The following LFNG variants were observed in gnomAD, a reference collection of about 807,000 sequenced individuals.
The protein encoded by LFNG is beta-1,3-N-acetylglucosaminyltransferase lunatic fringe.
LFNG carries 15 observed loss-of-function variants against 32.7 expected under a neutral mutation model. The ratio of observed to expected loss-of-function variants is 0.46; its 90% CI spans 0.31 to 0.71. The LOEUF is 0.71. Among genes scored for constraint, LFNG ranks in the 30% least tolerant of loss-of-function variants. The pLI is 0.06. For synonymous variants in LFNG, 274 were observed against 246.8 expected (o/e 1.11, Z -1.03); for missense variants, 520 against 545.7 (o/e 0.95, Z 0.47).
At chr7:2,513,457 G>T, upstream of LFNG, 1 of 1,092,768 alleles carries the variant, frequency 9.2e-7, no homozygotes, top group South Asian at 1.8e-5. Flanking sequence ...GGTAGCGATG[G>T]GGAGCCTGGG....
chr7:2,518,721 C>T (rs1053395195), upstream of LFNG: 3 of 1,379,116 alleles, frequency 2.2e-6, no homozygotes, highest in Admixed American at 6.9e-5. Context: ...GTCGCAGAGA[C>T]CCTGCTTAGG....
rs555511257 is a variant in LFNG at position 2,524,168 on chromosome 7, T to C, written c.433-527T>C. Reference sequence around the variant, plus strand: ...TCCAGGCCCTTTGTCCGCCAGGGCTTGGCAGCCGCCCAGCGAAGGCCTTTG... The same window carrying C: ...TCCAGGCCCTTTGTCCGCCAGGGCTCGGCAGCCGCCCAGCGAAGGCCTTTG... On this transcript the variant is annotated intron_variant, in intron 1 of 7. Transcript: ENST00000222725. Among the ~76,000 whole-genome samples, 10 of 152,322 alleles carry C rather than the reference T, an allele frequency of 6.6e-5. No individual in the cohort carries two copies. In the South Asian group the frequency reaches 1.0e-3, roughly 16 times the overall value.
chr7:2,525,239 T>G lies in LFNG; in HGVS notation c.502T>G (p.Cys168Gly). Residue 168 changes from cysteine to glycine, a missense_variant, in exon 3 of 8, where the codon TGC (cysteine) becomes GGC (glycine). Physicochemically the swap from Cys to Gly is radical, Grantham distance 159. Transcript: ENST00000222725. The part of the protein sequence containing the change: ...RHTGNVVITN[C>G]SAAHSRQALS... ...CACAGGCAACGTGGTCATCACAAAC[T>G]GCTCGGCCGCCCACAGCCGCCAGGC... 1.9e-6 allele frequency: 3 copies of G among 1,612,862 alleles called. No homozygotes were observed. Among genetic ancestry groups the G allele is most frequent in the Non-Finnish European group, 2.5e-6 (3 of 1,179,882 alleles).
intron 1 of LFNG, among the ~76,000 whole-genome samples, chr7:2,521,311 C>G (rs563337040): frequency 5.3e-5 from 8 of 152,194 alleles, no homozygotes; most frequent in African/African-American, 1.9e-4. Context: ...GCGTCCCATT[C>G]CCAGGGGCTC....
upstream of LFNG, chr7:2,517,643 C>T (rs1779660486): frequency 2.2e-6 from 1 of 453,856 alleles, no homozygotes; most frequent in Non-Finnish European, 4.4e-6. Context: ...GGACTCACAG[C>T]ATCTTGTCAG....
upstream of LFNG, among the ~76,000 whole-genome samples, chr7:2,517,130 G>A (rs777029043): frequency 6.6e-6 from 1 of 152,190 alleles, no homozygotes; most frequent in Non-Finnish European, 1.5e-5. Context: ...GGAGACCTGG[G>A]GTCTGGATGG....
At position 2,527,120 on chromosome 7, in the gene LFNG, G is replaced by A; in HGVS notation, c.1074-26G>A. ...TCAGCACCTGCCTGCCACCCACGCA[G>A]ACCAGCCCCTGCTCTGTTCCCACAG... On this transcript the variant is annotated intron_variant, in intron 7 of 7. Transcript: ENST00000222725. This position sits in a 1 kb window ranked among gnomAD's most constrained non-coding sequence, Gnocchi z 4.4. 6.2e-7 allele frequency: 1 copy of A among 1,609,122 alleles called. No individual in the cohort carries two copies. The highest frequency in any genetic ancestry group is 1.1e-5 in the South Asian group (1 of 90,984).
chr7:2,527,099 C>T lies in LFNG; in HGVS notation c.1074-47C>T, dbSNP rs1175879928. On this transcript the variant is annotated intron_variant, in intron 7 of 7. Transcript: ENST00000222725. The surrounding 1 kb of genome is among the most constrained non-coding windows in gnomAD (Gnocchi z 4.4). The stretch of plus-strand genomic sequence containing the variant: ...TGTGGGACTGCAAATGGGAGCTCAG[C>T]ACCTGCCTGCCACCCACGCAGACCA... 3.2e-6 allele frequency: 5 copies of T among 1,579,830 alleles called. No homozygotes were observed. The South Asian group carries it at 5.5e-5, about 18-fold the overall frequency.
chr7:2,520,814 CAAAG>C lies in LFNG; in HGVS notation c.432+524_432+527del, dbSNP rs1449569005. Among the ~76,000 whole-genome samples, 4 of 152,090 alleles carry C rather than the reference CAAAG, an allele frequency of 2.6e-5. No individual in the cohort carries two copies. The highest frequency in any genetic ancestry group is 6.5e-5 in the Admixed American group (1 of 15,278). ...TTGGTGGGTCCTGGGGAGTACATCT[CAAAG>C]AACTCCAGGTTTTGGGGTCTGTGTG... On this transcript the variant is annotated intron_variant, in intron 1 of 7. Transcript: ENST00000222725. This position sits in a 1 kb window ranked among gnomAD's most constrained non-coding sequence, Gnocchi z 5.0.
chr7:2,526,917 T>A lies in LFNG; in HGVS notation c.1069T>A (p.Ser357Thr), dbSNP rs1779997405. The A allele has an allele frequency of 6.2e-7, 1 of 1,611,748 alleles. No individual in the cohort carries two copies. Among genetic ancestry groups the A allele is most frequent in the Non-Finnish European group, 8.5e-7 (1 of 1,179,560 alleles). Residue 357 changes from serine to threonine, a missense_variant, in exon 7 of 8, where the codon TCC (serine) becomes ACC (threonine). Coordinates refer to ENST00000222725, the MANE Select transcript of LFNG (RefSeq NM_001040167.2). This position sits in a 1 kb window ranked among gnomAD's most constrained non-coding sequence, Gnocchi z 6.9. ...GCCCTTCTCGGTGGAGGCCGACCCA[T>A]CCAGGTAAGGAAACCCCGGCCCAGA... is the stretch of plus-strand genomic sequence containing the variant. The part of the protein sequence containing the change: ...KGPFSVEADP[S>T]RFRSIHCHLY...
At chr7:2,512,909 C>T (rs142406413), upstream of LFNG, among the ~76,000 whole-genome samples, 591 of 151,768 alleles carry the variant, frequency 3.9e-3, 4 homozygotes, top group South Asian at 0.016. Context: ...GCTCCCACAC[C>T]CCTGCCCAAC....
chr7:2,513,911 T>C (rs902911375), upstream of LFNG, among the ~76,000 whole-genome samples: 1 of 152,240 alleles, frequency 6.6e-6, no homozygotes, highest in Non-Finnish European at 1.5e-5. Context: ...AGCCCAGGCC[T>C]GCCGTCCTCC....
At chr7:2,515,019 TATCC>T (rs148072518), upstream of LFNG, among the ~76,000 whole-genome samples, 61 of 126,252 alleles carry the variant, frequency 4.8e-4, no homozygotes, top group Non-Finnish European at 6.5e-4. Flanking sequence ...TTCATCTGTC[TATCC>T]ATCCATCCAT....
At chr7:2,514,529 TCCATCCATCCAC>T (rs1224578904), upstream of LFNG, among the ~76,000 whole-genome samples, 1 of 151,664 alleles carries the variant, frequency 6.6e-6, no homozygotes, top group Non-Finnish European at 1.5e-5. Flanking sequence ...CATCCATCCA[TCCATCCATCCAC>T]CCATCCATCT....
upstream of LFNG, chr7:2,519,769 G>C (rs1021524370): frequency 2.7e-6 from 2 of 734,812 alleles, no homozygotes; most frequent in African/African-American, 1.9e-5. Flanking sequence ...CACTGGTGCT[G>C]CGCTGCTGGA....
Position 2,528,081 on chromosome 7 carries a change from T to A in LFNG, c.*869T>A, listed in dbSNP as rs1407499630. On this transcript the variant is annotated 3_prime_UTR_variant, in exon 8 of 8. Coordinates refer to ENST00000222725, the MANE Select transcript of LFNG (RefSeq NM_001040167.2). ...TGTTTTTTGCTTGGGAGGGTGGGGG[T>A]GGGGGAGGGTCTTATTTTATCTTAT... 1 of 56,552 alleles carries A rather than the reference T, an allele frequency of 1.8e-5. No homozygotes were observed. Among genetic ancestry groups the A allele is most frequent in the Non-Finnish European group, 2.9e-5 (1 of 34,624 alleles). The allele number at this position is 56,552 out of a possible 1,614,324, so 3.5% of individuals were successfully genotyped here. A position where few individuals can be genotyped will look rare whatever the true frequency, so the allele number is the denominator to read the frequency against.
rs977780732 is a variant in LFNG, at chr7:2,527,779, C to G, written c.*567C>G. 8.9e-6 allele frequency: 9 copies of G among 1,006,854 alleles called. No individual in the cohort carries two copies. Among genetic ancestry groups the G allele is most frequent in the Non-Finnish European group, 1.1e-5 (9 of 841,376 alleles). 62.4% of individuals were successfully genotyped at this position (1,006,854 alleles called of 1,614,324 possible). A position where few individuals can be genotyped will look rare whatever the true frequency, so the allele number is the denominator to read the frequency against. On this transcript the variant is annotated 3_prime_UTR_variant, in exon 8 of 8. Transcript: ENST00000222725. This position sits in a 1 kb window ranked among gnomAD's most constrained non-coding sequence, Gnocchi z 4.4. The stretch of plus-strand genomic sequence containing the variant: ...CTTAAGAGTAACAGCAGCCACCGCC[C>G]AGTTCCAGTGGCCCCACGAAGCCCC...
rs1780005303 is a variant in LFNG at position 2,527,068 on chromosome 7, C to T, written c.1074-78C>T. 6.7e-7 allele frequency: 1 copy of T among 1,496,816 alleles called. No individual in the cohort carries two copies. Among genetic ancestry groups the T allele is most frequent in the Non-Finnish European group, 9.3e-7 (1 of 1,079,208 alleles). 92.7% of individuals were successfully genotyped at this position (1,496,816 alleles called of 1,614,324 possible). ...TCCTGCTTGCTCGGGGTGGGGCCGCCAGTGTTGTGGGACTGCAAATGGGAG... is the reference window on the plus strand; with the variant it reads ...TCCTGCTTGCTCGGGGTGGGGCCGCTAGTGTTGTGGGACTGCAAATGGGAG... On this transcript the variant is annotated intron_variant, in intron 7 of 7. Transcript: ENST00000222725. This position sits in a 1 kb window ranked among gnomAD's most constrained non-coding sequence, Gnocchi z 4.4.
chr7:2,527,088 TG>T lies in LFNG; in HGVS notation c.1074-55del. 1 of 1,555,334 alleles carries T rather than the reference TG, an allele frequency of 6.4e-7. No individual in the cohort carries two copies. Among genetic ancestry groups the T allele is most frequent in the South Asian group, 1.1e-5 (1 of 89,576 alleles). ...GCCGCCAGTGTTGTGGGACTGCAAA[TG>T]GGAGCTCAGCACCTGCCTGCCACCC... On this transcript the variant is annotated intron_variant, in intron 7 of 7. Transcript: ENST00000222725. This position sits in a 1 kb window ranked among gnomAD's most constrained non-coding sequence, Gnocchi z 4.4.
Sources: allele counts gnomAD v4.1 joint callset (sites outside exome capture counted in the v4.1 genomes callset), GRCh38; gene constraint gnomAD v4.1.1; non-coding constraint Gnocchi (gnomAD v3.1); transcripts MANE v1.5; gene names NCBI Gene and HGNC (gene_info 2026-07-23, HGNC 2026-07-21).